Variants in ERBB4 observed in about 807,000 individuals in gnomAD.
The protein encoded by ERBB4 is receptor tyrosine-protein kinase erbB-4.
ERBB4 carries 42 observed loss-of-function variants against 158.0 expected under a neutral mutation model. The observed-to-expected ratio is 0.27, with a 90% CI of 0.21 to 0.34. The LOEUF (loss-of-function observed/expected upper bound fraction) is 0.34. Ranked by LOEUF, ERBB4 falls within the 10% of genes least tolerant of loss-of-function variation. The pLI, the probability that ERBB4 is intolerant of heterozygous loss-of-function variation, is 1.00. For missense variants in ERBB4, 1,333 were observed against 1,624.1 expected (o/e 0.82, Z 3.08); for synonymous variants, 583 against 558.7 (o/e 1.04, Z -0.61).
At chr2:212,446,577 CCATATATATATATGTA>C (rs1264946860) in intron 1 of ERBB4, among the ~76,000 whole-genome samples, 9 of 36,058 alleles carry the variant, frequency 2.5e-4, no homozygotes, top group Non-Finnish European at 4.4e-4. Flanking sequence ...TAATAAACTC[CCATATATATATATGTA>C]TATATATATA....
intron 20 of ERBB4, among the ~76,000 whole-genome samples, chr2:211,537,645 G>A (rs2066692462): frequency 6.6e-6 from 1 of 151,900 alleles, no homozygotes; most frequent in Admixed American, 6.6e-5. Flanking sequence ...GTACATTCCT[G>A]TGATATTAAG....
At chr2:211,756,892 C>A (rs539118673) in intron 4 of ERBB4, among the ~76,000 whole-genome samples, 1 of 152,314 alleles carries the variant, frequency 6.6e-6, no homozygotes, top group East Asian at 1.9e-4. Flanking sequence ...ATCTAGCAGT[C>A]TCTCATGTCT....
intron 1 of ERBB4, among the ~76,000 whole-genome samples, chr2:212,517,736 A>C (rs1361051876): frequency 6.6e-6 from 1 of 152,094 alleles, no homozygotes; most frequent in Non-Finnish European, 1.5e-5. Context: ...CAGGTCACTG[A>C]CATAATACAG....
At chr2:212,485,831 T>G (rs147790998) in intron 1 of ERBB4, among the ~76,000 whole-genome samples, 1 of 152,096 alleles carries the variant, frequency 6.6e-6, no homozygotes, top group South Asian at 2.1e-4. Context: ...TGTCCTCACA[T>G]GCTGAAAGGT....
intron 3 of ERBB4, among the ~76,000 whole-genome samples, chr2:211,817,771 C>T (rs1040676356): frequency 6.6e-6 from 1 of 152,162 alleles, no homozygotes; most frequent in Non-Finnish European, 1.5e-5. Context: ...GAGCCCTTAT[C>T]TTTCCCATTT....
At position 211,888,954 on chromosome 2, in the gene ERBB4, C is replaced by T. The variant is rs955274490; in HGVS notation, c.421+58476G>A. ...AGCAGTCTGAGATCAAACTGCAAGG[C>T]AGCAGCGAGGCTGGGGGAGGGGCGC... On this transcript the variant is annotated intron_variant, in intron 3 of 27. Transcript: ENST00000342788. 2.1e-4 allele frequency among the ~76,000 whole-genome samples: 31 copies of T among 151,138 alleles called. 2 individuals are homozygous for T.
rs537068099 is a variant in ERBB4, at chr2:211,970,390, T to C, written c.235-22774A>G. 5.7e-4 allele frequency among the ~76,000 whole-genome samples: 87 copies of C among 152,314 alleles called. 1 individual carries two copies. Among genetic ancestry groups the C allele is most frequent in the African/African-American group, 2.0e-3 (84 of 41,582 alleles). Reference sequence around the variant, plus strand: ...TTTGTGGTGGAGAGTTCTATAGATATCTATCAGGCCCATTCAATTAAGTGC... The same window carrying C: ...TTTGTGGTGGAGAGTTCTATAGATACCTATCAGGCCCATTCAATTAAGTGC... On this transcript the variant is annotated intron_variant, in intron 2 of 27. Coordinates refer to ENST00000342788, the MANE Select transcript of ERBB4 (RefSeq NM_005235.3).
chr2:211,499,115 C>A (rs571924055), intron 20 of ERBB4, among the ~76,000 whole-genome samples: 1 of 152,240 alleles, frequency 6.6e-6, no homozygotes, highest in South Asian at 2.1e-4. Flanking sequence ...ACACACTCAT[C>A]ATTCCTCCTC....
At chr2:211,848,835 T>G (rs776030575) in intron 3 of ERBB4, among the ~76,000 whole-genome samples, 1 of 151,994 alleles carries the variant, frequency 6.6e-6, no homozygotes, top group Non-Finnish European at 1.5e-5. Context: ...TATATCAAAA[T>G]AAAACAGTAG....
intron 20 of ERBB4, among the ~76,000 whole-genome samples, chr2:211,466,254 G>A (rs1015140878): frequency 1.3e-5 from 2 of 151,452 alleles, no homozygotes; most frequent in African/African-American, 4.9e-5. Context: ...TAAGCAAAAT[G>A]GTTGGGAAGC....
intron 1 of ERBB4, among the ~76,000 whole-genome samples, chr2:212,513,523 G>A (rs970088886): frequency 6.6e-6 from 1 of 152,162 alleles, no homozygotes. Flanking sequence ...AGTTAATTAA[G>A]TTTTCAAGGC....
At chr2:212,087,721 G>A (rs2078658422) in intron 2 of ERBB4, among the ~76,000 whole-genome samples, 1 of 151,948 alleles carries the variant, frequency 6.6e-6, no homozygotes, top group Admixed American at 6.6e-5. Context: ...TATAAAACAT[G>A]TTTGCTGCAC....
chr2:211,961,166 A>G (rs1167084934), intron 2 of ERBB4, among the ~76,000 whole-genome samples: 2 of 152,136 alleles, frequency 1.3e-5, no homozygotes, highest in African/African-American at 2.4e-5. Flanking sequence ...AAATGATATC[A>G]CAATAATAGA....
intron 1 of ERBB4, among the ~76,000 whole-genome samples, chr2:212,147,143 A>G (rs1488046528): frequency 7.9e-6 from 1 of 126,314 alleles, no homozygotes; most frequent in African/African-American, 3.1e-5. Flanking sequence ...GGGGCATGCC[A>G]CCATGCCCAG....
At chr2:212,483,806 A>G (rs1029712291) in intron 1 of ERBB4, among the ~76,000 whole-genome samples, 4 of 152,132 alleles carry the variant, frequency 2.6e-5, no homozygotes, top group Middle Eastern at 3.4e-3. Context: ...GCGCGATCTC[A>G]GCTCACTGCA....
chr2:211,800,839 A>G (rs919529912), intron 3 of ERBB4, among the ~76,000 whole-genome samples: 9 of 152,266 alleles, frequency 5.9e-5, no homozygotes, highest in African/African-American at 2.2e-4. Flanking sequence ...ATTTGGTAAA[A>G]AAATAGAAAA....
intron 1 of ERBB4, among the ~76,000 whole-genome samples, chr2:212,401,691 C>T (rs557365175): frequency 1.3e-5 from 2 of 152,042 alleles, no homozygotes; most frequent in East Asian, 3.9e-4. Context: ...AAATTATAAT[C>T]TTATTTTTGT....
intron 12 of ERBB4, among the ~76,000 whole-genome samples, chr2:211,682,316 A>G (rs115381686): frequency 0.028 from 4,307 of 152,176 alleles, 172 homozygotes; most frequent in African/African-American, 0.086. Context: ...GTTCTAGCTC[A>G]AGTAGCCAAG....
intron 1 of ERBB4, among the ~76,000 whole-genome samples, chr2:212,385,746 C>T (rs1487993350): frequency 6.6e-6 from 1 of 151,658 alleles, no homozygotes; most frequent in Non-Finnish European, 1.5e-5. Flanking sequence ...ATATAAACTT[C>T]AAGTGGAAAG....
Sources: gnomAD v4.1 joint callset for allele counts (sites outside exome capture counted in the v4.1 genomes callset) on GRCh38, gnomAD v4.1.1 for gene constraint, MANE v1.5 for transcripts, NCBI Gene and HGNC (gene_info 2026-07-23, HGNC 2026-07-21) for gene names.